Variants in ANXA8 observed in about 807,000 individuals in gnomAD.
The protein encoded by ANXA8 is annexin A8, also known as VAC-beta.
ANXA8 carries 9 observed loss-of-function variants against 26.8 expected under a neutral mutation model. That is an observed-to-expected ratio of 0.34 (90% CI 0.20 to 0.59). ANXA8 has a LOEUF of 0.59. ANXA8 is among the 20% of genes least tolerant of loss of function. The probability of loss-of-function intolerance (pLI) is 0.84; values close to 1 mark genes in which losing one functional copy is unlikely to be tolerated. For synonymous variants in ANXA8, 39 were observed against 94.8 expected, an observed-to-expected ratio of 0.41 and a Z score of 3.42; for missense variants, 83 against 238.5, an observed-to-expected ratio of 0.35 and a Z score of 4.29.
the ANXA8 span, among the ~76,000 whole-genome samples, chr10:47,533,224 C>CATACACACA: frequency 1.7e-3 from 228 of 132,650 alleles, 1 homozygote; most frequent in Non-Finnish European, 2.1e-3. Flanking sequence ...CACACACACA[C>CATACACACA]CCCCGCAGAC....
chr10:47,973,128 G>A, the ANXA8 span: 4 of 146,610 alleles, frequency 2.7e-5, no homozygotes, highest in Non-Finnish European at 6.1e-5. Flanking sequence ...ACACACACCT[G>A]CCTTCTCAAA....
the ANXA8 span, among the ~76,000 whole-genome samples, chr10:47,645,163 AT>A: frequency 1.3e-5 from 2 of 151,188 alleles, no homozygotes; most frequent in African/African-American, 2.4e-5. Context: ...GATTTAGAGT[AT>A]TTTTAGACAA....
chr10:47,650,219 A>AG, the ANXA8 span, among the ~76,000 whole-genome samples: 256 of 148,186 alleles, frequency 1.7e-3, 1 homozygote, highest in African/African-American at 3.9e-3. Context: ...AAAAAAAAAA[A>AG]AAAGAAAGAA....
the ANXA8 span, among the ~76,000 whole-genome samples, chr10:47,573,322 G>T: frequency 3.3e-5 from 5 of 150,448 alleles, no homozygotes; most frequent in African/African-American, 9.9e-5. Flanking sequence ...ATCAAGATGG[G>T]ATCTCACTAT....
chr10:47,748,106 GT>G, the ANXA8 span, among the ~76,000 whole-genome samples: 3 of 152,038 alleles, frequency 2.0e-5, no homozygotes, highest in Non-Finnish European at 2.9e-5. Flanking sequence ...AGAAGGAACA[GT>G]TAAATAAATA....
At chr10:47,966,686 C>G in the ANXA8 span, among the ~76,000 whole-genome samples, 1 of 135,502 alleles carries the variant, frequency 7.4e-6, no homozygotes, top group South Asian at 2.6e-4. Context: ...GCCTGGGAAA[C>G]AGAGAAATGG....
chr10:47,728,996 T>TG, the ANXA8 span, among the ~76,000 whole-genome samples: 1 of 149,998 alleles, frequency 6.7e-6, no homozygotes, highest in African/African-American at 2.4e-5. Context: ...TCAGGTGATC[T>TG]GCCTGCCTCG....
At chr10:47,975,518 C>G in the ANXA8 span, among the ~76,000 whole-genome samples, 1 of 149,318 alleles carries the variant, frequency 6.7e-6, no homozygotes, top group Admixed American at 6.7e-5. Context: ...GTATGCCATA[C>G]TGTTCAAGCA....
chr10:47,943,915 C>T, the ANXA8 span, among the ~76,000 whole-genome samples: 1 of 147,704 alleles, frequency 6.8e-6, no homozygotes, highest in East Asian at 2.1e-4. Flanking sequence ...CTGGATCTGC[C>T]AAAACTGGCA....
At chr10:47,953,097 A>T in the ANXA8 span, among the ~76,000 whole-genome samples, 156 of 150,660 alleles carry the variant, frequency 1.0e-3, 6 homozygotes, top group South Asian at 1.5e-3. Flanking sequence ...GAGGAAAAAA[A>T]TTGATAAATG....
the ANXA8 span, among the ~76,000 whole-genome samples, chr10:47,530,493 G>A: frequency 1.3e-3 from 192 of 143,514 alleles, 1 homozygote; most frequent in Admixed American, 2.8e-3. Flanking sequence ...TTCGAGACCA[G>A]CTTCGCCTAC....
chr10:47,693,065 T>C, the ANXA8 span, among the ~76,000 whole-genome samples: 1 of 151,670 alleles, frequency 6.6e-6, no homozygotes, highest in Admixed American at 6.6e-5. Flanking sequence ...ACATCTAACA[T>C]TGTGTTACGT....
chr10:47,492,989 A>G, the ANXA8 span, among the ~76,000 whole-genome samples: 1 of 151,238 alleles, frequency 6.6e-6, no homozygotes, highest in Admixed American at 6.6e-5. Context: ...GGGAGCTGAG[A>G]CCCTCTTGCA....
the ANXA8 span, among the ~76,000 whole-genome samples, chr10:47,586,199 C>T: frequency 6.9e-6 from 1 of 145,120 alleles, no homozygotes; most frequent in Non-Finnish European, 1.5e-5. Context: ...GGCAGGAATC[C>T]CCGTCCACCA....
At chr10:47,625,834 G>C in the ANXA8 span, among the ~76,000 whole-genome samples, 1 of 150,644 alleles carries the variant, frequency 6.6e-6, no homozygotes, top group Non-Finnish European at 1.5e-5. Context: ...ACTCCTCCTG[G>C]CTAACTGGAA....
At chr10:47,651,070 G>A in the ANXA8 span, among the ~76,000 whole-genome samples, 2 of 151,560 alleles carry the variant, frequency 1.3e-5, no homozygotes, top group Non-Finnish European at 2.9e-5. Flanking sequence ...GGCGTGGTTT[G>A]TGCCTGTAGT....
chr10:47,767,974 A>G, the ANXA8 span, among the ~76,000 whole-genome samples: 1 of 149,332 alleles, frequency 6.7e-6, no homozygotes, highest in Non-Finnish European at 1.5e-5. Flanking sequence ...GAGGGGAGTG[A>G]GCCCGCCAAG....
the ANXA8 span, among the ~76,000 whole-genome samples, chr10:47,584,674 A>G: frequency 2.0e-4 from 18 of 91,494 alleles, no homozygotes; most frequent in African/African-American, 9.9e-4. Flanking sequence ...TCTATAATCA[A>G]TAAATGCTTG....
At chr10:47,580,761 AAAAAC>A in the ANXA8 span, among the ~76,000 whole-genome samples, 1,946 of 143,118 alleles carry the variant, frequency 0.014, 66 homozygotes, top group African/African-American at 0.05. Context: ...AACAAAAAAA[AAAAAC>A]AAAAACAAAA....
Sources: allele counts gnomAD v4.1 joint callset (sites outside exome capture counted in the v4.1 genomes callset), GRCh38; gene constraint gnomAD v4.1.1; transcripts MANE v1.5; gene names NCBI Gene and HGNC (gene_info 2026-07-23, HGNC 2026-07-21).